Variants in NEK7 observed in about 807,000 individuals in gnomAD.
NEK7 encodes NIMA related kinase 7, also known as serine/threonine-protein kinase Nek7.
A neutral mutation model predicts 44.6 loss-of-function variants in NEK7; 18 were observed. The ratio of observed to expected loss-of-function variants is 0.40; its 90% CI spans 0.28 to 0.60. NEK7 has a LOEUF of 0.60. Ranked by LOEUF, NEK7 falls within the 20% of genes least tolerant of loss-of-function variation. The pLI, the probability that NEK7 is intolerant of heterozygous loss-of-function variation, is 0.38. For missense variants in NEK7, 256 were observed against 366.5 expected, an observed-to-expected ratio of 0.70 and a Z score of 2.46; for synonymous variants, 130 against 121.1, an observed-to-expected ratio of 1.07 and a Z score of -0.48.
chr1:198,308,382 C>T (rs916074848), intron 9 of NEK7, among the ~76,000 whole-genome samples: 4 of 152,136 alleles, frequency 2.6e-5, no homozygotes, highest in Non-Finnish European at 4.4e-5. Context: ...TATTTCTACT[C>T]AAATCTCAAT....
intron 5 of NEK7, among the ~76,000 whole-genome samples, chr1:198,274,516 T>G (rs1420833818): frequency 6.6e-6 from 1 of 151,800 alleles, no homozygotes; most frequent in African/African-American, 2.4e-5. Flanking sequence ...ACTTTATGCT[T>G]AAATGTTTTG....
At chr1:198,267,249 T>C (rs1352075325) in intron 5 of NEK7, among the ~76,000 whole-genome samples, 2 of 151,892 alleles carry the variant, frequency 1.3e-5, no homozygotes, top group Non-Finnish European at 2.9e-5. Flanking sequence ...TATTTACATG[T>C]ATATACATGC....
chr1:198,170,727 A>G (rs1664411326), intron 1 of NEK7, among the ~76,000 whole-genome samples: 1 of 152,160 alleles, frequency 6.6e-6, no homozygotes, highest in South Asian at 2.1e-4. Context: ...CCATGCTAAA[A>G]TGATTGAACC....
At chr1:198,277,909 C>A in intron 5 of NEK7, 52 bp from the exon 6 acceptor site, 1 of 1,017,486 alleles carries the variant, frequency 9.8e-7, no homozygotes, top group Non-Finnish European at 1.5e-6. Flanking sequence ...TACCAGAATC[C>A]AGTCTTGAGA....
downstream of NEK7, chr1:198,322,420 ATGTC>A (rs1312400014): frequency 2.6e-5 from 4 of 152,146 alleles, no homozygotes; most frequent in Non-Finnish European, 4.4e-5. Flanking sequence ...ATACAGTAAA[ATGTC>A]TGGGTATCTA....
At chr1:198,207,148 G>A (rs1665620880) in intron 1 of NEK7, 1 of 152,038 alleles carries the variant, frequency 6.6e-6, no homozygotes, top group African/African-American at 2.4e-5. Flanking sequence ...ATGATATCCA[G>A]TATTTTTGAT....
At chr1:198,312,655 T>A (rs1655225907) in intron 9 of NEK7, among the ~76,000 whole-genome samples, 1 of 151,872 alleles carries the variant, frequency 6.6e-6, no homozygotes, top group Admixed American at 6.6e-5. Flanking sequence ...TTCTCGTTGG[T>A]TTCAAAGAAC....
intron 1 of NEK7, among the ~76,000 whole-genome samples, chr1:198,194,963 C>T (rs1665189937): frequency 1.3e-5 from 2 of 152,148 alleles, no homozygotes; most frequent in Non-Finnish European, 2.9e-5. Flanking sequence ...TTCTCCACAA[C>T]CTTGCCAGCA....
intron 2 of NEK7, among the ~76,000 whole-genome samples, chr1:198,243,457 T>C (rs1666744009): frequency 6.6e-6 from 1 of 152,228 alleles, no homozygotes. Context: ...TTGCCAGGTG[T>C]AGCTGGTAGT....
At chr1:198,270,377 A>C (rs1444248321) in intron 5 of NEK7, among the ~76,000 whole-genome samples, 2 of 152,038 alleles carry the variant, frequency 1.3e-5, no homozygotes, top group East Asian at 3.9e-4. Flanking sequence ...AACAAAATGT[A>C]ACCTAATGTT....
intron 1 of NEK7, among the ~76,000 whole-genome samples, chr1:198,183,871 T>C (rs1201133486): frequency 3.3e-5 from 5 of 152,212 alleles, no homozygotes; most frequent in African/African-American, 7.2e-5. Context: ...AATTCTGAAG[T>C]GGTTCAAGAA....
At chr1:198,237,823 C>T (rs576682805) in intron 2 of NEK7, among the ~76,000 whole-genome samples, 4 of 152,240 alleles carry the variant, frequency 2.6e-5, no homozygotes, top group East Asian at 1.9e-4. Flanking sequence ...ATCACCTTCT[C>T]GATCACTCAA....
chr1:198,163,672 TG>T (rs1393763243), intron 1 of NEK7, among the ~76,000 whole-genome samples: 6 of 152,142 alleles, frequency 3.9e-5, no homozygotes, highest in Admixed American at 3.3e-4. Context: ...AAGATTTTTC[TG>T]GGGGGAGGAT....
chr1:198,262,559 TG>T lies in NEK7; in HGVS notation c.199-13del. The T allele has an allele frequency of 6.5e-7, 1 of 1,527,732 alleles. No individual in the cohort carries two copies. Among genetic ancestry groups the T allele is most frequent in the Non-Finnish European group, 9.0e-7 (1 of 1,109,566 alleles). 94.6% of individuals were successfully genotyped at this position (1,527,732 alleles called of 1,614,324 possible). On this transcript the variant is annotated splice_polypyrimidine_tract_variant and intron_variant, in intron 3 of 9. Transcript: ENST00000367385. ...AGGTTATTATTTTATTAAGTAATTC[TG>T]GGTTCTGTTTTTAGATATTTGATTT...
At chr1:198,162,376 T>TCATTATCTGTGTTTAC (rs1664136657) in intron 1 of NEK7, among the ~76,000 whole-genome samples, 2 of 152,176 alleles carry the variant, frequency 1.3e-5, no homozygotes, top group South Asian at 4.1e-4. Flanking sequence ...ACATATATTA[T>TCATTATCTGTGTTTAC]CATTATCTGT....
intron 1 of NEK7, among the ~76,000 whole-genome samples, chr1:198,205,044 C>T (rs530034104): frequency 6.6e-6 from 1 of 152,212 alleles, no homozygotes; most frequent in Admixed American, 6.5e-5. Flanking sequence ...CCCGTCCCCC[C>T]TTCCTTCTTC....
chr1:198,306,940 A>G (rs1655039402), intron 9 of NEK7, among the ~76,000 whole-genome samples: 1 of 152,132 alleles, frequency 6.6e-6, no homozygotes, highest in Non-Finnish European at 1.5e-5. Context: ...ATATAAATCT[A>G]TTCTGTAATT....
intron 1 of NEK7, chr1:198,197,715 G>A (rs188550818): frequency 7.1e-5 from 38 of 535,448 alleles, no homozygotes; most frequent in African/African-American, 6.4e-4. Context: ...GTACAATATG[G>A]CATCTGAAGT....
intron 9 of NEK7, among the ~76,000 whole-genome samples, chr1:198,314,764 C>A (rs1191872220): frequency 6.6e-6 from 1 of 152,188 alleles, no homozygotes; most frequent in Non-Finnish European, 1.5e-5. Context: ...GGGTCAGAGA[C>A]CCACTTGAGG....
Sources: allele counts gnomAD v4.1 joint callset (sites outside exome capture counted in the v4.1 genomes callset), GRCh38; gene constraint gnomAD v4.1.1; transcripts MANE v1.5; gene names NCBI Gene and HGNC (gene_info 2026-07-23, HGNC 2026-07-21).